MON2: variants seen among roughly 807,000 people sequenced by gnomAD.
MON2 encodes protein MON2 homolog.
Under a neutral mutation model 208.6 loss-of-function variants are expected in MON2, and 84 were observed. The observed-to-expected ratio is 0.40, with a 90% CI of 0.34 to 0.48. The LOEUF (loss-of-function observed/expected upper bound fraction) is 0.48, where lower values mean the gene tolerates loss of function less well. Among genes scored for constraint, MON2 ranks in the 20% least tolerant of loss-of-function variants. The probability of loss-of-function intolerance (pLI) is 0.59; values close to 1 mark genes in which losing one functional copy is unlikely to be tolerated. For synonymous variants in MON2, 660 were observed against 694.0 expected (o/e 0.95, Z 0.77); for missense variants, 1,611 against 2,015.4 (o/e 0.80, Z 3.84).
intron 8 of MON2, among the ~76,000 whole-genome samples, chr12:62,513,535 C>T (rs2071523641): frequency 6.6e-6 from 1 of 151,896 alleles, no homozygotes; most frequent in Admixed American, 6.6e-5. Context: ...CTGGGATTTT[C>T]TTTTCTATTG....
intron 4 of MON2, among the ~76,000 whole-genome samples, chr12:62,497,354 A>G (rs1276714537): frequency 6.6e-6 from 1 of 152,196 alleles, no homozygotes; most frequent in Admixed American, 6.5e-5. Context: ...CCAATTAAGT[A>G]TGGACAAATG....
At chr12:62,501,338 A>G (rs1465286627) in intron 6 of MON2, among the ~76,000 whole-genome samples, 2 of 152,158 alleles carry the variant, frequency 1.3e-5, no homozygotes, top group East Asian at 3.8e-4. Context: ...TAGATTAATC[A>G]TTTATCTGTC....
chr12:62,490,180 T>C (rs1355187448), intron 2 of MON2: 12 of 257,000 alleles, frequency 4.7e-5, no homozygotes, highest in Non-Finnish European at 8.4e-5. Context: ...ATTTATCCAA[T>C]ACACAGTGTT....
At position 62,585,421 on chromosome 12, in the gene MON2, A is replaced by G; in HGVS notation, c.4827A>G (p.Ser1609=). The G allele has an allele frequency of 1.2e-6, 2 of 1,613,888 alleles. No individual in the cohort carries two copies. The highest frequency in any genetic ancestry group is 1.7e-6 in the Non-Finnish European group (2 of 1,179,788). ...QEGYISRMAL[S]VLLKRSQDVL... Reference sequence around the variant, plus strand: ...GCTACATCTCACGAATGGCACTCTCAGTGCTTTTAAAGAGGTCCCAAGATG... The same window carrying G: ...GCTACATCTCACGAATGGCACTCTCGGTGCTTTTAAAGAGGTCCCAAGATG... Residue 1609 remains serine, a synonymous_variant, in exon 33 of 35, where the codon TCA becomes TCG. Transcript: ENST00000393630.
intron 2 of MON2, 101 bp from the exon 3 acceptor site, chr12:62,493,813 GA>G (rs1432102915): frequency 1.1e-6 from 1 of 891,516 alleles, no homozygotes; most frequent in African/African-American, 1.7e-5. Context: ...ACGTAAAGTG[GA>G]TTTTTTTTGA....
Position 62,560,767 on chromosome 12 carries a change from T to C in MON2, c.3686T>C (p.Ile1229Thr), listed in dbSNP as rs1315140347. The C allele has an allele frequency of 3.7e-6, 6 of 1,614,130 alleles. No individual in the cohort carries two copies. Among genetic ancestry groups the C allele is most frequent in the South Asian group, 3.3e-5 (3 of 91,070 alleles). Reference protein sequence around the residue: ...LGRYSSSEPPIVTDELEDLNL... With the variant: ...LGRYSSSEPPTVTDELEDLNL... ...AGATATAGTAGCTCTGAGCCACCCA[T>C]TGTTACTGATGAGCTTGAAGATTTG... Residue 1229 changes from isoleucine (I) to threonine (T), a missense_variant, in exon 26 of 35, where the codon ATT becomes ACT. Coordinates refer to ENST00000393630, the MANE Select transcript of MON2 (RefSeq NM_015026.3).
chr12:62,554,904 C>T (rs2073900738), intron 24 of MON2, among the ~76,000 whole-genome samples: 2 of 152,120 alleles, frequency 1.3e-5, no homozygotes, highest in African/African-American at 4.8e-5. Flanking sequence ...ACACCATTCT[C>T]CTGCCTCAGC....
intron 20 of MON2, chr12:62,544,679 G>A: frequency 8.6e-7 from 1 of 1,160,598 alleles, no homozygotes. Flanking sequence ...ATAATTTACT[G>A]TTATGAAATC....
intron 12 of MON2, among the ~76,000 whole-genome samples, chr12:62,534,529 A>T (rs2072822713): frequency 1.1e-4 from 3 of 28,042 alleles, no homozygotes; most frequent in African/African-American, 6.0e-4. Context: ...AAAAAAAAAA[A>T]AAAAAAAAAA....
intron 29 of MON2, among the ~76,000 whole-genome samples, chr12:62,567,912 G>C (rs2074442000): frequency 6.6e-6 from 1 of 152,178 alleles, no homozygotes. Flanking sequence ...AGACCTATCT[G>C]AGCATGTTTC....
At chr12:62,492,204 G>T (rs1312802420) in intron 2 of MON2, among the ~76,000 whole-genome samples, 3 of 152,018 alleles carry the variant, frequency 2.0e-5, no homozygotes, top group Non-Finnish European at 4.4e-5. Flanking sequence ...AAGAAGGTGA[G>T]GATTTAAATG....
At chr12:62,562,600 A>G (rs2074239597) in intron 26 of MON2, among the ~76,000 whole-genome samples, 1 of 152,130 alleles carries the variant, frequency 6.6e-6, no homozygotes, top group South Asian at 2.1e-4. Flanking sequence ...AGAAAAATGT[A>G]TATTTTATTA....
intron 8 of MON2, among the ~76,000 whole-genome samples, chr12:62,516,534 G>A (rs1382601442): frequency 6.6e-6 from 1 of 152,068 alleles, no homozygotes; most frequent in Non-Finnish European, 1.5e-5. Flanking sequence ...GAGAAACACT[G>A]TCTCTACTAA....
At chr12:62,502,146 G>A (rs1592889196) in intron 7 of MON2, among the ~76,000 whole-genome samples, 1 of 152,220 alleles carries the variant, frequency 6.6e-6, no homozygotes, top group Admixed American at 6.5e-5. Context: ...CTTGAACCTG[G>A]GAGGCAGAGG....
intron 19 of MON2, among the ~76,000 whole-genome samples, chr12:62,542,818 GC>G (rs1184838457): frequency 6.6e-6 from 1 of 152,020 alleles, no homozygotes; most frequent in Non-Finnish European, 1.5e-5. Context: ...TGGAAGACTA[GC>G]CATTCTATGT....
chr12:62,575,799 A>G (rs1269733416), intron 30 of MON2, among the ~76,000 whole-genome samples: 2 of 152,198 alleles, frequency 1.3e-5, no homozygotes, highest in African/African-American at 4.8e-5. Flanking sequence ...AAACACAAGG[A>G]CTGCAATTTG....
chr12:62,487,054 T>C (rs1289860614), intron 2 of MON2, among the ~76,000 whole-genome samples: 2 of 152,158 alleles, frequency 1.3e-5, no homozygotes, highest in Non-Finnish European at 2.9e-5. Flanking sequence ...CATCCTCCTT[T>C]AATGTTTATT....
intron 34 of MON2, chr12:62,588,808 C>T: frequency 8.5e-7 from 1 of 1,180,178 alleles, no homozygotes; most frequent in South Asian, 1.4e-5. Flanking sequence ...AACTAAAATT[C>T]TCAATCTTCC....
intron 3 of MON2, among the ~76,000 whole-genome samples, chr12:62,494,519 A>G (rs1320586354): frequency 1.3e-5 from 2 of 152,208 alleles, no homozygotes; most frequent in Non-Finnish European, 2.9e-5. Context: ...TTTGTACTCC[A>G]TAAGTACTAT....
Sources: gnomAD v4.1 joint callset for allele counts (sites outside exome capture counted in the v4.1 genomes callset) on GRCh38, gnomAD v4.1.1 for gene constraint, MANE v1.5 for transcripts, NCBI Gene and HGNC (gene_info 2026-07-23, HGNC 2026-07-21) for gene names.